SLC30A9: variants seen among roughly 807,000 people sequenced by gnomAD.
The protein encoded by SLC30A9 is solute carrier family 30 member 9, also known as proton-coupled zinc antiporter SLC30A9, mitochondrial.
A neutral mutation model predicts 87.5 loss-of-function variants in SLC30A9; 58 were observed. The ratio of observed to expected loss-of-function variants is 0.66; its 90% CI spans 0.54 to 0.82. SLC30A9 has a LOEUF of 0.82. Ranked by LOEUF, SLC30A9 falls within the 40% of genes least tolerant of loss-of-function variation. SLC30A9 has a pLI of 0.00. For missense variants in SLC30A9, 557 were observed against 679.1 expected (o/e 0.82, Z 2.00); for synonymous variants, 234 against 233.0 (o/e 1.00, Z -0.04).
At chr4:41,991,474 A>T (rs371697681) in intron 1 of SLC30A9, among the ~76,000 whole-genome samples, 7 of 152,340 alleles carry the variant, frequency 4.6e-5, no homozygotes, top group African/African-American at 1.7e-4. Context: ...AATAACATTG[A>T]ACTAATCAGG....
intron 1 of SLC30A9, among the ~76,000 whole-genome samples, chr4:41,998,654 T>A (rs149509723): frequency 6.6e-6 from 1 of 151,932 alleles, no homozygotes; most frequent in East Asian, 1.9e-4. Context: ...TTAGTAGAGA[T>A]GGGGTTTCAC....
chr4:42,086,213 A>AGTGT lies in SLC30A9; in HGVS notation c.*87_*88insGTGT. 1 of 747,668 alleles carries AGTGT rather than the reference A, an allele frequency of 1.3e-6. No individual in the cohort carries two copies. Among genetic ancestry groups the AGTGT allele is most frequent in the Non-Finnish European group, 2.2e-6 (1 of 457,602 alleles). 46.3% of individuals were successfully genotyped at this position (747,668 alleles called of 1,614,324 possible). A position where few individuals can be genotyped will look rare whatever the true frequency, so the allele number is the denominator to read the frequency against. On this transcript the variant is annotated 3_prime_UTR_variant, in exon 18 of 18. Coordinates refer to ENST00000264451, the MANE Select transcript of SLC30A9 (RefSeq NM_006345.4). ...AAAGTTTCCTCCTCTCCTACACTGA[A>AGTGT]AGACTCAGTGCCATGCAGAAGCCTT...
At chr4:42,022,969 A>G in intron 5 of SLC30A9, 39 bp downstream of exon 5, 2 of 1,137,666 alleles carry the variant, frequency 1.8e-6, no homozygotes, top group Non-Finnish European at 2.5e-6. Context: ...GTGCAAACCA[A>G]ATTTTGGATT....
Position 42,049,455 on chromosome 4 carries a change from C to A in SLC30A9, c.816C>A (p.His272Gln). The A allele has an allele frequency of 3.1e-6, 5 of 1,596,418 alleles. No individual in the cohort carries two copies. The highest frequency in any genetic ancestry group is 4.3e-6 in the Non-Finnish European group (5 of 1,168,780). The part of the protein sequence containing the change: ...GSASMFSEAI[H>Q]SLSDTCNQGL... Reference sequence around the variant, plus strand: ...CAAGTATGTTCTCAGAAGCTATACACTCATTATCTGATACTTGTAATCAGG... The same window carrying A: ...CAAGTATGTTCTCAGAAGCTATACAATCATTATCTGATACTTGTAATCAGG... Residue 272 changes from histidine to glutamine, a missense_variant, in exon 9 of 18, where the codon CAC (histidine) becomes CAA (glutamine). Around this residue, in one of 2 missense-constraint regions of SLC30A9, gnomAD observed 467 missense variants for 529.8 expected, o/e 0.88. Transcript: ENST00000264451.
At chr4:42,008,233 A>G (rs538916426) in intron 2 of SLC30A9, among the ~76,000 whole-genome samples, 6 of 152,244 alleles carry the variant, frequency 3.9e-5, no homozygotes, top group African/African-American at 1.4e-4. Flanking sequence ...GGTCATTCAT[A>G]TCTCAGTTTA....
intron 1 of SLC30A9, among the ~76,000 whole-genome samples, chr4:41,997,994 G>GT (rs1245091675): frequency 6.6e-6 from 1 of 152,228 alleles, no homozygotes; most frequent in African/African-American, 2.4e-5. Context: ...TTTAGTTGTT[G>GT]TTGCGGAAGC....
rs113214269 is a variant in SLC30A9, at chr4:42,022,244, C to CTTT, written c.435-582_435-580dup. Among the ~76,000 whole-genome samples the CTTT allele has an allele frequency of 6.6e-3, 843 of 128,530 alleles. 23 individuals carry two copies. The highest frequency in any genetic ancestry group is 0.022 in the African/African-American group (780 of 35,998). 84.3% of individuals were successfully genotyped at this position (128,530 alleles called of 152,430 possible). A position where few individuals can be genotyped will look rare whatever the true frequency, so the allele number is the denominator to read the frequency against. Reference sequence around the variant, plus strand: ...GCTACCGCACCTTGCTTATTTTTCACTTTTTTTTTTTTTTGCTTTATCTCC... The same window carrying CTTT: ...GCTACCGCACCTTGCTTATTTTTCACTTTTTTTTTTTTTTTTTGCTTTATCTCC... On this transcript the variant is annotated intron_variant, in intron 4 of 17. Transcript: ENST00000264451.
At chr4:42,033,403 C>G (rs1164091393) in intron 6 of SLC30A9, among the ~76,000 whole-genome samples, 2 of 151,730 alleles carry the variant, frequency 1.3e-5, no homozygotes, top group Non-Finnish European at 2.9e-5. Context: ...CTTTGGGAGG[C>G]TGAGGTGGGA....
At chr4:42,040,268 C>T (rs565901065) in intron 8 of SLC30A9, among the ~76,000 whole-genome samples, 18 of 152,266 alleles carry the variant, frequency 1.2e-4, no homozygotes, top group African/African-American at 3.9e-4. Flanking sequence ...ACCAGTAATA[C>T]AGGGATAGTG....
At chr4:42,074,685 G>T (rs942103390) in intron 15 of SLC30A9, among the ~76,000 whole-genome samples, 2 of 151,984 alleles carry the variant, frequency 1.3e-5, no homozygotes, top group African/African-American at 4.8e-5. Flanking sequence ...ATAAAATAAA[G>T]ATGTCACCCT....
chr4:42,067,062 C>T (rs757135003), intron 13 of SLC30A9, 23 bp from the exon 14 acceptor site: 13 of 1,446,990 alleles, frequency 9.0e-6, no homozygotes, highest in Middle Eastern at 3.5e-4. Context: ...ATTTTCTTGT[C>T]TTGTCTCTTC....
At chr4:41,994,429 T>C (rs1263755541) in intron 1 of SLC30A9, among the ~76,000 whole-genome samples, 1 of 151,862 alleles carries the variant, frequency 6.6e-6, no homozygotes, top group African/African-American at 2.4e-5. Flanking sequence ...CTTTTTTTCA[T>C]GTATTTATAC....
intron 1 of SLC30A9, 96 bp from the exon 2 acceptor site, chr4:42,001,520 A>C: frequency 1.7e-6 from 1 of 592,928 alleles, no homozygotes; most frequent in Non-Finnish European, 2.9e-6. Context: ...ATGTGTACCT[A>C]GAAGCAGTGA....
chr4:42,043,479 A>G (rs1717005644), intron 8 of SLC30A9, among the ~76,000 whole-genome samples: 1 of 152,176 alleles, frequency 6.6e-6, no homozygotes, highest in Admixed American at 6.5e-5. Context: ...AAGAGATTGA[A>G]GATCAACTTA....
rs188690118 is a variant in SLC30A9 at position 42,005,997 on chromosome 4, A to G, written c.274+4217A>G. On this transcript the variant is annotated intron_variant, in intron 2 of 17. Coordinates refer to ENST00000264451, the MANE Select transcript of SLC30A9 (RefSeq NM_006345.4). ...AACAAGGATTAAAAGATTTGGGGGG[A>G]AAATGGATGGCTGCATCTGTACTGA... is the stretch of plus-strand genomic sequence containing the variant. 2.5e-3 allele frequency among the ~76,000 whole-genome samples: 386 copies of G among 152,288 alleles called. 2 individuals carry two copies. The highest frequency in any genetic ancestry group is 8.9e-3 in the African/African-American group (370 of 41,544).
intron 17 of SLC30A9, among the ~76,000 whole-genome samples, chr4:42,080,003 T>C (rs969650743): frequency 2.6e-5 from 4 of 152,226 alleles, no homozygotes; most frequent in Non-Finnish European, 5.9e-5. Flanking sequence ...AAGTCTCTTA[T>C]GCCTGGCTTA....
Position 42,022,826 on chromosome 4 carries a change from T to C in SLC30A9, c.435-12T>C. ...CTTTGTCTGAATAAATTCAACATGT[T>C]TCTTTCTCTAGTGATCTAGAACAAC... On this transcript the variant is annotated splice_polypyrimidine_tract_variant and intron_variant, in intron 4 of 17. Coordinates refer to ENST00000264451, the MANE Select transcript of SLC30A9 (RefSeq NM_006345.4). The C allele has an allele frequency of 6.6e-7, 1 of 1,523,512 alleles. No homozygotes were observed. Among genetic ancestry groups the C allele is most frequent in the South Asian group, 1.2e-5 (1 of 83,846 alleles). 94.4% of individuals were successfully genotyped at this position (1,523,512 alleles called of 1,614,324 possible). A position where few individuals can be genotyped will look rare whatever the true frequency, so the allele number is the denominator to read the frequency against.
chr4:41,991,821 C>G (rs1204434597), intron 1 of SLC30A9, among the ~76,000 whole-genome samples: 2 of 152,000 alleles, frequency 1.3e-5, no homozygotes, highest in Non-Finnish European at 2.9e-5. Flanking sequence ...TGCAGTCATT[C>G]GAGATTTTAT....
At chr4:42,042,466 A>T (rs1323758794) in intron 8 of SLC30A9, among the ~76,000 whole-genome samples, 2 of 152,126 alleles carry the variant, frequency 1.3e-5, no homozygotes, top group African/African-American at 2.4e-5. Context: ...GGAAGTTCGA[A>T]CTGGACAGAA....
Sources: gnomAD v4.1 joint callset for allele counts (sites outside exome capture counted in the v4.1 genomes callset) on GRCh38, gnomAD v4.1.1 for gene constraint, gnomAD v4.1.1 regional missense constraint, MANE v1.5 for transcripts, NCBI Gene and HGNC (gene_info 2026-07-23, HGNC 2026-07-21) for gene names.